The following DOCK2 variants were observed in gnomAD, a reference collection of about 807,000 sequenced individuals.
The protein encoded by DOCK2 is dedicator of cytokinesis protein 2.
In DOCK2, 87 loss-of-function variants were observed where a neutral mutation model predicts 248.9. That is an observed-to-expected ratio of 0.35 (90% CI 0.29 to 0.42). The LOEUF is 0.42. DOCK2 is among the 10% of genes least tolerant of loss of function. The probability of loss-of-function intolerance (pLI) is 1.00; values close to 1 mark genes in which losing one functional copy is unlikely to be tolerated. For missense variants in DOCK2, 1,747 were observed against 2,300.2 expected, an observed-to-expected ratio of 0.76 and a Z score of 4.92; for synonymous variants, 805 against 821.6, an observed-to-expected ratio of 0.98 and a Z score of 0.35.
chr5:170,034,330 C>T, intron 34 of DOCK2, 69 bp from the exon 35 acceptor site: 1 of 1,580,574 alleles, frequency 6.3e-7, no homozygotes, highest in South Asian at 1.2e-5. Flanking sequence ...CTCCATCCCA[C>T]CGCCCACTGG....
intron 30 of DOCK2, among the ~76,000 whole-genome samples, chr5:169,998,191 G>A (rs1400425409): frequency 6.6e-6 from 1 of 152,178 alleles, no homozygotes; most frequent in African/African-American, 2.4e-5. Context: ...CATCTTTCTT[G>A]TCTACCTGCG....
Position 169,681,737 on chromosome 5 carries a change from T to C in DOCK2, c.471-7T>C, listed in dbSNP as rs913246038. ...ATTTGTCTTCACCTCCAGTTTTTGC[T>C]TTACAGAATCCTTGAGCTTGATTTG... On this transcript the variant is annotated splice_polypyrimidine_tract_variant and splice_region_variant and intron_variant, in intron 6 of 51. Coordinates refer to ENST00000520908, the MANE Select transcript of DOCK2 (RefSeq NM_004946.3). 6.2e-7 allele frequency: 1 copy of C among 1,612,834 alleles called. No individual in the cohort carries two copies. Among genetic ancestry groups the C allele is most frequent in the African/African-American group, 1.3e-5 (1 of 74,906 alleles).
chr5:170,081,867 C>T lies in DOCK2; in HGVS notation c.5313C>T (p.Ile1771=). The change falls in exon 51 of 52, where the codon ATC becomes ATT. Residue 1771 remains isoleucine (I), a synonymous_variant. Coordinates refer to ENST00000520908, the MANE Select transcript of DOCK2 (RefSeq NM_004946.3). The stretch of plus-strand genomic sequence containing the variant: ...CCCTGGCGCTCTCAGTGGCAGGCAT[C>T]CCTGGGTTGGATGAGGCCAACACAT... ...IPALALSVAG[I]PGLDEANTSP... is the part of the protein sequence containing the mutation. 1.2e-6 allele frequency: 2 copies of T among 1,611,904 alleles called. No individual in the cohort carries two copies. The highest frequency in any genetic ancestry group is 1.7e-6 in the Non-Finnish European group (2 of 1,178,922).
chr5:169,814,764 C>T (rs1180335474), intron 26 of DOCK2, among the ~76,000 whole-genome samples: 1 of 152,052 alleles, frequency 6.6e-6, no homozygotes, highest in Non-Finnish European at 1.5e-5. Flanking sequence ...TGAAGGTGAA[C>T]AGTTCTGTCA....
In DOCK2 at chr5:170,055,350, G is replaced by A. The variant is rs1335672301; in HGVS notation, c.4259G>A (p.Arg1420Lys). Residue 1420 changes from arginine (R) to lysine (K), a missense_variant, in exon 42 of 52, where the codon AGG (arginine) becomes AAG (lysine). Physicochemically the swap from Arg to Lys is conservative, Grantham distance 26. Coordinates refer to ENST00000520908, the MANE Select transcript of DOCK2 (RefSeq NM_004946.3). ...TVQPVLDEHP[R>K]FKNKPVPDQI... ...CAGCCTGTCTTGGATGAACATCCCA[G>A]GTTCAAGAATAAGCCAGTGCCTGAC... 3 of 1,614,010 alleles carry A rather than the reference G, an allele frequency of 1.9e-6. No homozygotes were observed.
chr5:169,738,753 C>A lies in DOCK2; in HGVS notation c.2268-8643C>A, dbSNP rs75474364. On this transcript the variant is annotated intron_variant, in intron 22 of 51. Transcript: ENST00000520908. ...GCCAGATAAGAATCCTGGAGAATTACCTCAATGGTAAATAGTTTACCTAAA... is the reference window on the plus strand; with the variant it reads ...GCCAGATAAGAATCCTGGAGAATTAACTCAATGGTAAATAGTTTACCTAAA... Among the ~76,000 whole-genome samples the A allele has an allele frequency of 3.3e-3, 509 of 152,282 alleles. 27 individuals are homozygous for A. The East Asian group carries it at 0.081, about 24-fold the overall frequency.
At chr5:170,042,159 G>T in intron 38 of DOCK2, 27 bp downstream of exon 38, 1 of 1,585,280 alleles carries the variant, frequency 6.3e-7, no homozygotes, top group Non-Finnish European at 8.6e-7. Flanking sequence ...CACCCCCCGT[G>T]GGGACCCTGG....
At chr5:170,053,696 T>C (rs1014682964) in intron 41 of DOCK2, among the ~76,000 whole-genome samples, 1 of 152,236 alleles carries the variant, frequency 6.6e-6, no homozygotes, top group Non-Finnish European at 1.5e-5. Context: ...GATTTATTCA[T>C]TCGTGTTAAA....
chr5:169,740,209 C>A (rs954675747), intron 22 of DOCK2, among the ~76,000 whole-genome samples: 1 of 152,186 alleles, frequency 6.6e-6, no homozygotes, highest in African/African-American at 2.4e-5. Flanking sequence ...TAATTTATTA[C>A]ACAGGGTTGC....
At chr5:169,678,409 A>C (rs1377361610) in intron 6 of DOCK2, among the ~76,000 whole-genome samples, 1 of 151,908 alleles carries the variant, frequency 6.6e-6, no homozygotes, top group Non-Finnish European at 1.5e-5. Flanking sequence ...GACTATAGGC[A>C]CACGTCACCA....
chr5:169,671,154 A>C lies in DOCK2; in HGVS notation c.301A>C (p.Ile101Leu), dbSNP rs919112822. 6.2e-7 allele frequency: 1 copy of C among 1,614,002 alleles called. No homozygotes were observed. Among genetic ancestry groups the C allele is most frequent in the Admixed American group, 1.7e-5 (1 of 59,996 alleles). The change falls in exon 5 of 52, where the codon ATC (isoleucine) becomes CTC (leucine). Residue 101 changes from isoleucine to leucine, a missense_variant. Ile to Leu is a conservative substitution (Grantham distance 5). Coordinates refer to ENST00000520908, the MANE Select transcript of DOCK2 (RefSeq NM_004946.3). ...AACGACACTTTGGGAATGGGGAAGCATCTGGAAACAACTCTATGTGGTGAG... is the reference window on the plus strand; with the variant it reads ...AACGACACTTTGGGAATGGGGAAGCCTCTGGAAACAACTCTATGTGGTGAG... ...VTTTLWEWGS[I>L]WKQLYVASKK...
intron 25 of DOCK2, among the ~76,000 whole-genome samples, chr5:169,796,465 G>A (rs1766663701): frequency 6.6e-6 from 1 of 152,130 alleles, no homozygotes; most frequent in Non-Finnish European, 1.5e-5. Flanking sequence ...AGTGCATGTG[G>A]ATTGGTGTAG....
intron 26 of DOCK2, among the ~76,000 whole-genome samples, chr5:169,832,822 C>T (rs1769313651): frequency 6.6e-6 from 1 of 151,996 alleles, no homozygotes; most frequent in Non-Finnish European, 1.5e-5. Context: ...CTGCTGTTTT[C>T]ACTGTAAGAA....
At chr5:170,069,785 G>A (rs1035690975) in intron 46 of DOCK2, among the ~76,000 whole-genome samples, 5 of 152,062 alleles carry the variant, frequency 3.3e-5, no homozygotes, top group Non-Finnish European at 5.9e-5. Flanking sequence ...CTGCTGTTTC[G>A]GGCTGGCCAC....
At chr5:169,756,165 G>A (rs1764184722) in intron 23 of DOCK2, among the ~76,000 whole-genome samples, 1 of 152,218 alleles carries the variant, frequency 6.6e-6, no homozygotes, top group African/African-American at 2.4e-5. Context: ...ACCTGGAGTG[G>A]GAGGCTGGGA....
At position 169,669,310 on chromosome 5, in the gene DOCK2, A is replaced by G; in HGVS notation, c.150A>G (p.Ile50Met). The G allele has an allele frequency of 1.9e-6, 3 of 1,614,164 alleles. No homozygotes were observed. Among genetic ancestry groups the G allele is most frequent in the South Asian group, 1.1e-5 (1 of 91,078 alleles). Residue 50 changes from isoleucine to methionine, a missense_variant, in exon 3 of 52, where the codon ATA becomes ATG. Ile to Met is a conservative substitution (Grantham distance 10). Around this residue, in one of 4 missense-constraint regions of DOCK2, gnomAD observed 375 missense variants for 510.9 expected, o/e 0.73. Transcript: ENST00000520908. ...CAGACTGGTATAGGGGATACCTCATAAAGCACAAAATGTTACAGGTAAGGT... is the reference window on the plus strand; with the variant it reads ...CAGACTGGTATAGGGGATACCTCATGAAGCACAAAATGTTACAGGTAAGGT... ...TCGDWYRGYL[I>M]KHKMLQGIFP...
At chr5:169,666,330 G>A (rs770689750) in intron 2 of DOCK2, among the ~76,000 whole-genome samples, 13 of 152,140 alleles carry the variant, frequency 8.5e-5, no homozygotes, top group African/African-American at 2.7e-4. Flanking sequence ...TGCAACATAC[G>A]AATTTTGGGA....
Position 169,996,074 on chromosome 5 carries a change from G to T in DOCK2, c.2994-12G>T, listed in dbSNP as rs371860412. 5.9e-5 allele frequency: 95 copies of T among 1,613,338 alleles called. No individual in the cohort carries two copies. The African/African-American group carries it at 1.1e-3, about 19-fold the overall frequency. Reference sequence around the variant, plus strand: ...TGCTCAGACAGTCTGGTAATTTTCTGCCCTCTTCCAGGGTCTTCCTGAGAG... The same window carrying T: ...TGCTCAGACAGTCTGGTAATTTTCTTCCCTCTTCCAGGGTCTTCCTGAGAG... On this transcript the variant is annotated splice_polypyrimidine_tract_variant and intron_variant, in intron 29 of 51. Coordinates refer to ENST00000520908, the MANE Select transcript of DOCK2 (RefSeq NM_004946.3).
intron 27 of DOCK2, among the ~76,000 whole-genome samples, chr5:169,906,866 C>T (rs1011889040): frequency 6.6e-6 from 1 of 152,202 alleles, no homozygotes; most frequent in Non-Finnish European, 1.5e-5. Flanking sequence ...CGCCTCTGTC[C>T]TGCTGGAAAT....
Sources: allele counts gnomAD v4.1 joint callset (sites outside exome capture counted in the v4.1 genomes callset), GRCh38; gene constraint gnomAD v4.1.1; regional missense constraint gnomAD v4.1.1; transcripts MANE v1.5; gene names NCBI Gene and HGNC (gene_info 2026-07-23, HGNC 2026-07-21).